The following PRKCZ variants were observed in gnomAD, a reference collection of about 807,000 sequenced individuals.
The protein encoded by PRKCZ is protein kinase C zeta, also known as protein kinase C zeta type.
PRKCZ carries 33 observed loss-of-function variants against 79.5 expected under a neutral mutation model. That is an observed-to-expected ratio of 0.41 (90% CI 0.31 to 0.55). The LOEUF (loss-of-function observed/expected upper bound fraction) is 0.55, where lower values mean the gene tolerates loss of function less well. Among genes scored for constraint, PRKCZ ranks in the 20% least tolerant of loss-of-function variants. PRKCZ has a pLI of 0.19. For missense variants in PRKCZ, 578 were observed against 813.5 expected, an observed-to-expected ratio of 0.71 and a Z score of 3.52; for synonymous variants, 342 against 320.9, an observed-to-expected ratio of 1.07 and a Z score of -0.70.
chr1:2,098,750 C>T (rs531738885), intron 4 of PRKCZ, among the ~76,000 whole-genome samples: 6 of 152,260 alleles, frequency 3.9e-5, no homozygotes, highest in East Asian at 1.9e-4. Context: ...GGCGTGATCT[C>T]GGCTCACTGC....
At chr1:2,138,055 G>A (rs1375039794) in intron 5 of PRKCZ, among the ~76,000 whole-genome samples, 2 of 152,200 alleles carry the variant, frequency 1.3e-5, no homozygotes, top group Admixed American at 6.5e-5. Context: ...TTCTCTGTCC[G>A]GACCTCAGAG....
At chr1:2,111,434 CA>C (rs1669725612) in intron 4 of PRKCZ, among the ~76,000 whole-genome samples, 1 of 151,410 alleles carries the variant, frequency 6.6e-6, no homozygotes. Flanking sequence ...GATCACGCAA[CA>C]AGGGGTGCAC....
At chr1:2,068,241 G>A (rs28479788) in intron 4 of PRKCZ, among the ~76,000 whole-genome samples, 23,894 of 152,234 alleles carry the variant, frequency 0.16, 2,441 homozygotes, top group Non-Finnish European at 0.24. Context: ...GCTTCGATGC[G>A]GCCATGTGGG....
At chr1:2,117,972 TTATG>T (rs951229898) in intron 4 of PRKCZ, among the ~76,000 whole-genome samples, 9 of 147,096 alleles carry the variant, frequency 6.1e-5, no homozygotes, top group Non-Finnish European at 1.2e-4. Context: ...GCAACTGTAT[TTATG>T]AGAGAGATTA....
upstream of PRKCZ, among the ~76,000 whole-genome samples, chr1:2,048,675 G>A (rs1437769618): frequency 6.6e-6 from 1 of 152,204 alleles, no homozygotes; most frequent in African/African-American, 2.4e-5. Context: ...CCTGGGGCTG[G>A]GTGAGTGTTG....
chr1:2,178,775 C>T lies in PRKCZ; in HGVS notation c.1575+3462C>T, dbSNP rs773962223. ...GTCAGCTCCATGTGGGAGTGGGGCA[C>T]GTGTGAGGCCTTGGTCCCCACCTGT... On this transcript the variant is annotated intron_variant, in intron 16 of 17. Transcript: ENST00000378567. This position sits in a 1 kb window ranked among gnomAD's most constrained non-coding sequence, Gnocchi z 4.3. Among the ~76,000 whole-genome samples, 6 of 152,138 alleles carry T rather than the reference C, an allele frequency of 3.9e-5. No homozygotes were observed. Among genetic ancestry groups the T allele is most frequent in the Non-Finnish European group, 7.3e-5 (5 of 68,028 alleles).
intron 2 of PRKCZ, chr1:2,055,916 G>C: frequency 4.7e-6 from 1 of 214,382 alleles, no homozygotes; most frequent in Non-Finnish European, 9.3e-6. Context: ...ATATTCTAGG[G>C]ACCACGGGGA....
chr1:2,183,836 C>T lies in PRKCZ; in HGVS notation c.1576-747C>T, dbSNP rs550697475. ...TGAGGGCGGGGCTCCCATCAGGTTC[C>T]ACCTCTCTACACTGTTGCTCTGGGG... is the stretch of plus-strand genomic sequence containing the variant. On this transcript the variant is annotated intron_variant, in intron 16 of 17. Transcript: ENST00000378567. 5.9e-5 allele frequency: 9 copies of T among 152,448 alleles called. No individual in the cohort carries two copies. In the South Asian group the frequency reaches 8.3e-4, roughly 14 times the overall value. 9.4% of individuals were successfully genotyped at this position (152,448 alleles called of 1,614,324 possible).
At chr1:2,087,610 C>T (rs1664749830) in intron 4 of PRKCZ, among the ~76,000 whole-genome samples, 1 of 152,136 alleles carries the variant, frequency 6.6e-6, no homozygotes, top group Non-Finnish European at 1.5e-5. Context: ...TATCCCATCA[C>T]CTGGATGTGA....
chr1:2,103,656 C>T (rs1036862946), intron 4 of PRKCZ, among the ~76,000 whole-genome samples: 2 of 152,222 alleles, frequency 1.3e-5, no homozygotes, highest in African/African-American at 4.8e-5. Flanking sequence ...ATCGCTTGAG[C>T]CCAGGAGGTC....
intron 4 of PRKCZ, 22 bp from the exon 5 acceptor site, chr1:2,135,240 A>G (rs1044014659): frequency 6.3e-7 from 1 of 1,598,086 alleles, no homozygotes; most frequent in African/African-American, 1.3e-5. Context: ...GTTTCTTTAC[A>G]CCTTTCTCAT....
intron 4 of PRKCZ, among the ~76,000 whole-genome samples, chr1:2,097,857 A>G (rs566950712): frequency 6.6e-6 from 1 of 152,348 alleles, no homozygotes; most frequent in African/African-American, 2.4e-5. Context: ...AGATGGAGCA[A>G]TGGCGAGAGC....
intron 4 of PRKCZ, among the ~76,000 whole-genome samples, chr1:2,113,238 G>A (rs914792901): frequency 4.6e-5 from 7 of 152,180 alleles, no homozygotes; most frequent in East Asian, 3.9e-4. Context: ...AGGTTTTAAC[G>A]TAAGGTTTAA....
intron 4 of PRKCZ, among the ~76,000 whole-genome samples, chr1:2,061,361 G>GGGAA (rs981460376): frequency 6.6e-6 from 1 of 151,942 alleles, no homozygotes; most frequent in African/African-American, 2.4e-5. Context: ...GCCTTGCGTA[G>GGGAA]GGAAGGGAGG....
intron 4 of PRKCZ, among the ~76,000 whole-genome samples, chr1:2,107,022 C>T (rs934888621): frequency 1.3e-5 from 2 of 149,040 alleles, no homozygotes; most frequent in Non-Finnish European, 3.0e-5. Flanking sequence ...TGCGGTTTCT[C>T]CGGCTCGGCT....
intron 4 of PRKCZ, among the ~76,000 whole-genome samples, chr1:2,061,175 C>G (rs1021956521): frequency 2.0e-5 from 3 of 152,194 alleles, no homozygotes; most frequent in African/African-American, 7.2e-5. Flanking sequence ...TGTGCTGAGA[C>G]TGTGCACTCC....
chr1:2,163,657 G>A (rs537433107), intron 10 of PRKCZ, among the ~76,000 whole-genome samples: 22 of 152,178 alleles, frequency 1.4e-4, no homozygotes, highest in African/African-American at 4.6e-4. Flanking sequence ...CTGGGAGGCC[G>A]AGGCGGGTAG....
chr1:2,095,919 C>T (rs768720410), intron 4 of PRKCZ, among the ~76,000 whole-genome samples: 1 of 129,368 alleles, frequency 7.7e-6, no homozygotes, highest in Non-Finnish European at 1.6e-5. Context: ...CCTCCTCTCC[C>T]CTCCCTTCCC....
intron 4 of PRKCZ, among the ~76,000 whole-genome samples, chr1:2,093,793 G>A (rs551022802): frequency 1.3e-5 from 2 of 152,298 alleles, no homozygotes; most frequent in East Asian, 3.9e-4. Flanking sequence ...CCTCCTCCCT[G>A]CGGCCTGCCC....
Sources: gnomAD v4.1 joint callset for allele counts (sites outside exome capture counted in the v4.1 genomes callset) on GRCh38, gnomAD v4.1.1 for gene constraint, Gnocchi (gnomAD v3.1) non-coding constraint, MANE v1.5 for transcripts, NCBI Gene and HGNC (gene_info 2026-07-23, HGNC 2026-07-21) for gene names.